The following MTERF2 variants were observed in gnomAD, a reference collection of about 807,000 sequenced individuals.
The protein encoded by MTERF2 is transcription termination factor 2, mitochondrial.
MTERF2 carries 23 observed loss-of-function variants against 29.2 expected under a neutral mutation model. That is an observed-to-expected ratio of 0.79 (90% CI 0.57 to 1.12). The LOEUF is 1.12. MTERF2 is among the 50% of genes most tolerant of loss of function. MTERF2 has a pLI of 0.00. For missense variants in MTERF2, 440 were observed against 429.4 expected, an observed-to-expected ratio of 1.02 and a Z score of -0.22; for synonymous variants, 157 against 159.5, an observed-to-expected ratio of 0.98 and a Z score of 0.12.
At chr12:106,981,774 G>A (rs1346472537) in intron 2 of MTERF2, among the ~76,000 whole-genome samples, 2 of 152,146 alleles carry the variant, frequency 1.3e-5, no homozygotes, top group African/African-American at 4.8e-5. Flanking sequence ...ACCCGCCTCG[G>A]CCTCCCAAAA....
At chr12:106,982,234 G>T (rs1370694101) in intron 2 of MTERF2, among the ~76,000 whole-genome samples, 3 of 152,202 alleles carry the variant, frequency 2.0e-5, no homozygotes, top group Admixed American at 6.5e-5. Flanking sequence ...TGGACTTGCT[G>T]AAAGATAGTG....
intron 2 of MTERF2, among the ~76,000 whole-genome samples, chr12:106,979,098 CTGT>C (rs1232933697): frequency 1.3e-5 from 2 of 151,988 alleles, no homozygotes; most frequent in Non-Finnish European, 2.9e-5. Context: ...TGTAAATACA[CTGT>C]TGAGTTACTT....
chr12:106,979,802 T>C (rs1381647305), intron 2 of MTERF2, among the ~76,000 whole-genome samples: 1 of 152,158 alleles, frequency 6.6e-6, no homozygotes, highest in African/African-American at 2.4e-5. Context: ...TTTGCCTCTA[T>C]AGGGGCAGCA....
chr12:106,979,200 T>C (rs550091071), intron 2 of MTERF2, among the ~76,000 whole-genome samples: 1 of 152,186 alleles, frequency 6.6e-6, no homozygotes, highest in African/African-American at 2.4e-5. Flanking sequence ...TTTCCACAAC[T>C]GTTTATCTTT....
Position 106,978,782 on chromosome 12 carries a change from G to T in MTERF2, c.-57-11C>A. ...ATGGACTCATTCTATCTGAAAAAAA[G>T]AAAATAAAGGTTTTTAGTATAAGGG... On this transcript the variant is annotated splice_polypyrimidine_tract_variant and intron_variant, in intron 2 of 2. Coordinates refer to ENST00000240050, the MANE Select transcript of MTERF2 (RefSeq NM_001033050.3). 7.0e-7 allele frequency: 1 copy of T among 1,431,136 alleles called. No homozygotes were observed. 88.7% of individuals were successfully genotyped at this position (1,431,136 alleles called of 1,614,324 possible). A position where few individuals can be genotyped will look rare whatever the true frequency, so the allele number is the denominator to read the frequency against.
At chr12:106,986,727 A>G (rs950853631) in intron 1 of MTERF2, 1 of 152,282 alleles carries the variant, frequency 6.6e-6, no homozygotes, top group African/African-American at 2.4e-5. Context: ...CTTTCGTAAC[A>G]CATATGCCCT....
chr12:106,982,513 C>G (rs1952064279), intron 2 of MTERF2, among the ~76,000 whole-genome samples: 1 of 152,142 alleles, frequency 6.6e-6, no homozygotes, highest in South Asian at 2.1e-4. Flanking sequence ...GTAATGAACA[C>G]ATAATACATA....
chr12:106,978,043 G>A lies in MTERF2; in HGVS notation c.672C>T (p.Pro224=), dbSNP rs1398425744. ...SQNPFILLNS[P]TAIKETLEFL... is the part of the protein sequence containing the mutation. ...ATTCTAGTGTTTCCTTTATAGCTGT[G>A]GGAGAATTTAACAAAATAAATGGGT... The change falls in exon 3 of 3, where the codon CCC becomes CCT. Residue 224 remains proline (P), a synonymous_variant. Transcript: ENST00000240050. The A allele has an allele frequency of 1.9e-6, 3 of 1,613,810 alleles. No homozygotes were observed. The African/African-American group carries it at 4.0e-5, about 22-fold the overall frequency.
At chr12:106,985,461 G>A (rs1952100389) in intron 1 of MTERF2, 1 of 152,280 alleles carries the variant, frequency 6.6e-6, no homozygotes, top group Non-Finnish European at 1.5e-5. Context: ...AGGCCTAAGT[G>A]TCACTTTCTC....
Position 106,978,232 on chromosome 12 carries a change from T to A in MTERF2, c.483A>T (p.Leu161=), listed in dbSNP as rs1952011589. 5.0e-6 allele frequency: 8 copies of A among 1,613,838 alleles called. No individual in the cohort carries two copies. In the East Asian group the frequency reaches 1.6e-4, roughly 31 times the overall value. The change falls in exon 3 of 3, where the codon CTA becomes CTT. Residue 161 remains leucine, a synonymous_variant. Transcript: ENST00000240050. ...LNVQFFQELG[L]KNVVISRLLT... Reference sequence around the variant, plus strand: ...AAAGTCTGCTAATGACCACATTTTTTAGTCCCAACTCTTGAAAGAACTGAA... The same window carrying A: ...AAAGTCTGCTAATGACCACATTTTTAAGTCCCAACTCTTGAAAGAACTGAA...
At chr12:106,980,188 C>T (rs1002935897) in intron 2 of MTERF2, among the ~76,000 whole-genome samples, 1 of 152,088 alleles carries the variant, frequency 6.6e-6, no homozygotes, top group Non-Finnish European at 1.5e-5. Flanking sequence ...GGGCCCCCAC[C>T]CCTGGCCATA....
intron 2 of MTERF2, among the ~76,000 whole-genome samples, chr12:106,984,348 C>G (rs1418294417): frequency 2.0e-5 from 3 of 152,198 alleles, no homozygotes; most frequent in African/African-American, 7.2e-5. Flanking sequence ...TCTTTCTCTC[C>G]ATTTCCTCTT....
intron 2 of MTERF2, among the ~76,000 whole-genome samples, chr12:106,983,124 A>G (rs1484541354): frequency 1.3e-5 from 2 of 152,170 alleles, no homozygotes; most frequent in Non-Finnish European, 2.9e-5. Context: ...TGTTGATGGT[A>G]TATTTTAGCA....
rs552460152 is a variant in MTERF2 at position 106,978,148 on chromosome 12, T to A, written c.567A>T (p.Arg189Ser). ...NPVEKNKQMV[R>S]ILQESYLDVG... The stretch of plus-strand genomic sequence containing the variant: ...CATCTAGATAACTCTCTTGGAGAAT[T>A]CTTACCATTTGCTTATTCTTCTCAA... The change falls in exon 3 of 3, where the codon AGA becomes AGT. Residue 189 changes from arginine to serine, a missense_variant. Physicochemically the swap from Arg to Ser is moderately radical, Grantham distance 110. Transcript: ENST00000240050. 48 of 1,614,130 alleles carry A rather than the reference T, an allele frequency of 3.0e-5. No homozygotes were observed. The South Asian group carries it at 5.2e-4, about 17-fold the overall frequency.
intron 2 of MTERF2, among the ~76,000 whole-genome samples, chr12:106,983,677 A>AT (rs1322751877): frequency 6.6e-5 from 10 of 152,300 alleles, no homozygotes; most frequent in Non-Finnish European, 1.3e-4. Context: ...AATAGATTTT[A>AT]TCAATAGTTT....
chr12:106,983,680 AAT>A (rs748087488), intron 2 of MTERF2, among the ~76,000 whole-genome samples: 5 of 152,210 alleles, frequency 3.3e-5, no homozygotes, highest in Admixed American at 1.3e-4. Context: ...AGATTTTATC[AAT>A]AGTTTACTTC....
At position 106,977,973 on chromosome 12, in the gene MTERF2, G is replaced by A. The variant is rs1200201426; in HGVS notation, c.742C>T (p.Leu248=). ...AAAAGAAATCCTTTGAGTTTGGATA[G>A]AAGCTGGAGAATTTCAAAGCTGGTG... ...GFTSFEILQL[L]SKLKGFLFQL... Residue 248 remains leucine, a synonymous_variant, in exon 3 of 3, where the codon CTA becomes TTA. Transcript: ENST00000240050. The A allele has an allele frequency of 6.2e-7, 1 of 1,614,182 alleles. No individual in the cohort carries two copies.
chr12:106,978,980 T>C (rs61061573), intron 2 of MTERF2, among the ~76,000 whole-genome samples: 20,752 of 151,768 alleles, frequency 0.14, 2,013 homozygotes, highest in African/African-American at 0.26. Context: ...GATTGTAGCA[T>C]TGCACTCCAG....
At chr12:106,979,475 A>G (rs1008235961) in intron 2 of MTERF2, among the ~76,000 whole-genome samples, 2 of 152,198 alleles carry the variant, frequency 1.3e-5, no homozygotes, top group African/African-American at 4.8e-5. Context: ...CAGAATTAGA[A>G]TAAGTTGTAA....
Sources: gnomAD v4.1 joint callset for allele counts (sites outside exome capture counted in the v4.1 genomes callset) on GRCh38, gnomAD v4.1.1 for gene constraint, MANE v1.5 for transcripts, NCBI Gene and HGNC (gene_info 2026-07-23, HGNC 2026-07-21) for gene names.